The following B4GALT1 variants were observed in gnomAD, a reference collection of about 807,000 sequenced individuals.
B4GALT1 encodes N-acetyllactosamine synthase.
Under a neutral mutation model 34.9 loss-of-function variants are expected in B4GALT1, and 16 were observed. The observed-to-expected ratio is 0.46, with a 90% CI of 0.31 to 0.70. B4GALT1 has a LOEUF of 0.70. B4GALT1 is among the 30% of genes least tolerant of loss of function. The pLI, the probability that B4GALT1 is intolerant of heterozygous loss-of-function variation, is 0.05. For synonymous variants in B4GALT1, 221 were observed against 218.1 expected, an observed-to-expected ratio of 1.01 and a Z score of -0.12; for missense variants, 445 against 530.5, an observed-to-expected ratio of 0.84 and a Z score of 1.58.
intron 2 of B4GALT1, among the ~76,000 whole-genome samples, chr9:33,122,884 C>A (rs1840041527): frequency 6.6e-6 from 1 of 152,158 alleles, no homozygotes; most frequent in South Asian, 2.1e-4. Flanking sequence ...GTGGCTCACA[C>A]CTGTAATCCC....
At chr9:33,116,668 G>A (rs1299844198) in intron 3 of B4GALT1, among the ~76,000 whole-genome samples, 2 of 151,852 alleles carry the variant, frequency 1.3e-5, no homozygotes, top group Admixed American at 6.6e-5. Flanking sequence ...GACTACAGGC[G>A]TGTGCCACCA....
chr9:33,178,488 C>T, the B4GALT1 span, among the ~76,000 whole-genome samples: 1 of 152,178 alleles, frequency 6.6e-6, no homozygotes, highest in South Asian at 2.1e-4. Context: ...TGTCAGGATG[C>T]TATTACCATC....
chr9:33,167,912 G>C (rs958708238), upstream of B4GALT1, among the ~76,000 whole-genome samples: 4 of 152,350 alleles, frequency 2.6e-5, 2 homozygotes, highest in Middle Eastern at 0.014. Flanking sequence ...CTTAACGGGG[G>C]GTCCTGCGGC....
upstream of B4GALT1, among the ~76,000 whole-genome samples, chr9:33,167,989 C>CA (rs1840797717): frequency 6.6e-6 from 1 of 152,212 alleles, no homozygotes; most frequent in African/African-American, 2.4e-5. Flanking sequence ...AAGGGGCTCT[C>CA]AGACCAGCTT....
the B4GALT1 span, among the ~76,000 whole-genome samples, chr9:33,181,423 T>TACACACACACACACACAC: frequency 0.028 from 3,813 of 136,972 alleles, 91 homozygotes; most frequent in East Asian, 0.061. Flanking sequence ...GACCCTGTCT[T>TACACACACACACACACAC]ACACACACAC....
chr9:33,174,564 G>T, the B4GALT1 span, among the ~76,000 whole-genome samples: 19 of 152,086 alleles, frequency 1.2e-4, no homozygotes, highest in African/African-American at 4.6e-4. Flanking sequence ...CAGGAGAATC[G>T]CTTAAACCTG....
intron 2 of B4GALT1, among the ~76,000 whole-genome samples, chr9:33,127,195 C>A (rs556953568): frequency 6.6e-6 from 1 of 152,128 alleles, no homozygotes; most frequent in Non-Finnish European, 1.5e-5. Flanking sequence ...GATCTCCTGA[C>A]CTAGTGATCC....
Position 33,120,575 on chromosome 9 carries a change from A to T in B4GALT1, c.680T>A (p.Leu227His). 6.2e-7 allele frequency: 1 copy of T among 1,614,226 alleles called. No homozygotes were observed. Among genetic ancestry groups the T allele is most frequent in the Non-Finnish European group, 8.5e-7 (1 of 1,180,044 alleles). The change falls in exon 3 of 6, where the codon CTC becomes CAC. Residue 227 changes from leucine to histidine, a missense_variant. This residue lies in a region of B4GALT1 where 349 missense variants were observed against 395.5 expected (regional missense o/e 0.88). Transcript: ENST00000379731. ...GGCTTCTTGAAAGCCAACATTGAGGAGCTTAGCACGATTGAATATAGTGTC... is the reference window on the plus strand; with the variant it reads ...GGCTTCTTGAAAGCCAACATTGAGGTGCTTAGCACGATTGAATATAGTGTC... The part of the protein sequence containing the change: ...AGDTIFNRAK[L>H]LNVGFQEALK...
In B4GALT1 at chr9:33,131,381, G is replaced by A. The variant is rs537106710; in HGVS notation, c.648+3808C>T. 1.6e-4 allele frequency among the ~76,000 whole-genome samples: 24 copies of A among 152,326 alleles called. 2 individuals carry two copies. The South Asian group carries it at 4.8e-3, about 30-fold the overall frequency. On this transcript the variant is annotated intron_variant, in intron 2 of 5. Transcript: ENST00000379731. ...TAGCAGTGACTGAATGGGAAGCCAA[G>A]GAAGTGGAAATGGGACATGGCCCCT...
rs760226071 is a variant in B4GALT1, at chr9:33,167,180, C to A, written c.-11G>T. On this transcript the variant is annotated 5_prime_UTR_variant, in exon 1 of 6. Transcript: ENST00000379731. ...CTCCCGAAGCCTCATCTTCCCGCCG[C>A]CGCTTTAAGAAGGGTGTGGGCTACA... 6.3e-7 allele frequency: 1 copy of A among 1,593,712 alleles called. No individual in the cohort carries two copies. The highest frequency in any genetic ancestry group is 8.5e-7 in the Non-Finnish European group (1 of 1,171,912).
Position 33,134,397 on chromosome 9 carries a change from G to A in B4GALT1, c.648+792C>T, listed in dbSNP as rs558338149. Among the ~76,000 whole-genome samples the A allele has an allele frequency of 3.9e-5, 6 of 152,178 alleles. 1 individual carries two copies. The highest frequency in any genetic ancestry group is 2.1e-4 in the South Asian group (1 of 4,830). On this transcript the variant is annotated intron_variant, in intron 2 of 5. Transcript: ENST00000379731. ...AAGTTAGATGTGTCATTGCACCTAGGAGGTTATAGTCTAAAAACATGAATT... is the reference window on the plus strand; with the variant it reads ...AAGTTAGATGTGTCATTGCACCTAGAAGGTTATAGTCTAAAAACATGAATT...
chr9:33,132,780 A>G (rs546379204), intron 2 of B4GALT1, among the ~76,000 whole-genome samples: 1 of 152,380 alleles, frequency 6.6e-6, no homozygotes, highest in Non-Finnish European at 1.5e-5. Flanking sequence ...AAACTGCAAC[A>G]TATCTAGACG....
intron 2 of B4GALT1, among the ~76,000 whole-genome samples, chr9:33,130,904 A>G (rs968626568): frequency 6.6e-6 from 1 of 151,184 alleles, no homozygotes; most frequent in Admixed American, 6.6e-5. Context: ...AAGCAGGCAG[A>G]GGAAACAGGC....
At chr9:33,160,597 T>C (rs943277853) in intron 1 of B4GALT1, among the ~76,000 whole-genome samples, 1 of 151,976 alleles carries the variant, frequency 6.6e-6, no homozygotes, top group East Asian at 1.9e-4. Flanking sequence ...CAAAACCCCA[T>C]CTCTACAAAA....
intron 1 of B4GALT1, among the ~76,000 whole-genome samples, chr9:33,158,040 G>A (rs1840621999): frequency 6.6e-6 from 1 of 152,174 alleles, no homozygotes; most frequent in Admixed American, 6.5e-5. Flanking sequence ...CAGACATGAT[G>A]AAATCCTTAG....
intron 1 of B4GALT1, among the ~76,000 whole-genome samples, chr9:33,158,474 C>T (rs971826737): frequency 5.9e-5 from 9 of 152,234 alleles, no homozygotes; most frequent in African/African-American, 2.2e-4. Flanking sequence ...CTTCAGCTCA[C>T]TCTGCCTCCA....
rs1437960635 is a variant in B4GALT1 at position 33,111,281 on chromosome 9, A to T, written c.*2173T>A. ...AAAAAAAAAAAAAAAAAAAAAAACAACAAGAAAAGGTAGAGTTTGGTTTTA... is the reference window on the plus strand; with the variant it reads ...AAAAAAAAAAAAAAAAAAAAAAACATCAAGAAAAGGTAGAGTTTGGTTTTA... On this transcript the variant is annotated 3_prime_UTR_variant, in exon 6 of 6. Transcript: ENST00000379731. The T allele has an allele frequency of 7.5e-6, 1 of 133,946 alleles. No individual in the cohort carries two copies. The highest frequency in any genetic ancestry group is 1.6e-5 in the Non-Finnish European group (1 of 60,608). 8.3% of individuals were successfully genotyped at this position (133,946 alleles called of 1,614,324 possible). A position where few individuals can be genotyped will look rare whatever the true frequency, so the allele number is the denominator to read the frequency against.
At chr9:33,156,284 C>T (rs546768517) in intron 1 of B4GALT1, among the ~76,000 whole-genome samples, 16 of 152,212 alleles carry the variant, frequency 1.1e-4, no homozygotes, top group African/African-American at 3.9e-4. Flanking sequence ...CAGGTGCATG[C>T]CACCACACCC....
chr9:33,116,204 A>G, intron 3 of B4GALT1, 91 bp from the exon 4 acceptor site: 1 of 1,467,966 alleles, frequency 6.8e-7, no homozygotes, highest in East Asian at 2.5e-5. Flanking sequence ...AAACACTTTT[A>G]AAGTTATTCT....
Sources: allele counts gnomAD v4.1 joint callset (sites outside exome capture counted in the v4.1 genomes callset), GRCh38; gene constraint gnomAD v4.1.1; regional missense constraint gnomAD v4.1.1; transcripts MANE v1.5; gene names NCBI Gene and HGNC (gene_info 2026-07-23, HGNC 2026-07-21).